The following IQCE variants were observed in gnomAD, a reference collection of about 807,000 sequenced individuals.
IQCE encodes the protein IQ domain-containing protein E.
In IQCE, 115 loss-of-function variants were observed where a neutral mutation model predicts 96.0. The observed-to-expected ratio is 1.20, with a 90% CI of 1.03 to 1.40. The LOEUF (loss-of-function observed/expected upper bound fraction) is 1.40, where lower values mean the gene tolerates loss of function less well. Among genes scored for constraint, IQCE ranks in the 40% most tolerant of loss-of-function variants. The pLI, the probability that IQCE is intolerant of heterozygous loss-of-function variation, is 0.00. For missense variants in IQCE, 1,041 were observed against 909.1 expected (o/e 1.15, Z -1.87); for synonymous variants, 412 against 371.2 (o/e 1.11, Z -1.26).
intron 3 of IQCE, among the ~76,000 whole-genome samples, chr7:2,570,340 G>T (rs953944025): frequency 6.6e-6 from 1 of 151,790 alleles, no homozygotes; most frequent in African/African-American, 2.4e-5. Flanking sequence ...CCTACTCGCC[G>T]ATAAGCCCAC....
intron 1 of IQCE, among the ~76,000 whole-genome samples, chr7:2,562,599 T>G (rs989377746): frequency 6.6e-6 from 1 of 151,854 alleles, no homozygotes; most frequent in Admixed American, 6.6e-5. Flanking sequence ...CCCCCTTTTT[T>G]TTTTTTTCCC....
intron 6 of IQCE, among the ~76,000 whole-genome samples, chr7:2,574,618 G>A (rs1481337077): frequency 6.6e-6 from 1 of 152,204 alleles, no homozygotes; most frequent in Non-Finnish European, 1.5e-5. Flanking sequence ...GGATTGGGGG[G>A]ATTATCTCGT....
chr7:2,612,595 T>A lies in IQCE; in HGVS notation c.*2433T>A. On this transcript the variant is annotated 3_prime_UTR_variant, in exon 22 of 22. Coordinates refer to ENST00000402050, the MANE Select transcript of IQCE (RefSeq NM_152558.5). ...GGTGAGCTGTGGGCGGGGCGAGCTG[T>A]GGGTGGGGCCTAGCCATGGGAGAGG... The A allele has an allele frequency of 1.5e-5, 1 of 65,656 alleles. No homozygotes were observed. Among genetic ancestry groups the A allele is most frequent in the South Asian group, 4.8e-4 (1 of 2,090 alleles). 4.1% of individuals were successfully genotyped at this position (65,656 alleles called of 1,614,324 possible). A position where few individuals can be genotyped will look rare whatever the true frequency, so the allele number is the denominator to read the frequency against.
At chr7:2,576,281 A>C (rs1378206720) in intron 6 of IQCE, among the ~76,000 whole-genome samples, 1 of 152,162 alleles carries the variant, frequency 6.6e-6, no homozygotes, top group Non-Finnish European at 1.5e-5. Context: ...GAGCTGCGGC[A>C]CAGCCCAGCC....
Position 2,559,073 on chromosome 7 carries a change from G to A in IQCE, c.-109G>A. 2 of 572,448 alleles carry A rather than the reference G, an allele frequency of 3.5e-6. No homozygotes were observed. The highest frequency in any genetic ancestry group is 5.0e-6 in the Non-Finnish European group (2 of 401,876). The allele number at this position is 572,448 out of a possible 1,614,324, so 35.5% of individuals were successfully genotyped here. On this transcript the variant is annotated 5_prime_UTR_variant, in exon 1 of 22. Coordinates refer to ENST00000402050, the MANE Select transcript of IQCE (RefSeq NM_152558.5). ...TGCCATGGCAGCGGGGTCGCGGGCCGGCGCCAGGGAAGGCCCCGAGGCTGC... is the reference window on the plus strand; with the variant it reads ...TGCCATGGCAGCGGGGTCGCGGGCCAGCGCCAGGGAAGGCCCCGAGGCTGC...
chr7:2,561,169 G>A (rs1240847365), intron 1 of IQCE, among the ~76,000 whole-genome samples: 1 of 150,298 alleles, frequency 6.7e-6, no homozygotes, highest in African/African-American at 2.5e-5. Context: ...TGTTGGCCAG[G>A]CTGGTCTCTA....
chr7:2,575,913 C>T (rs962857743), intron 6 of IQCE, among the ~76,000 whole-genome samples: 10 of 152,166 alleles, frequency 6.6e-5, no homozygotes, highest in Non-Finnish European at 1.2e-4. Flanking sequence ...ACACATGGAG[C>T]GCAGGTGTTG....
At chr7:2,598,874 C>G (rs537236226) in intron 17 of IQCE, 1 of 385,758 alleles carries the variant, frequency 2.6e-6, no homozygotes. Flanking sequence ...CAGAACTATT[C>G]GAAAGTAAGT....
chr7:2,575,950 G>A (rs1782092534), intron 6 of IQCE, among the ~76,000 whole-genome samples: 1 of 152,202 alleles, frequency 6.6e-6, no homozygotes, highest in Non-Finnish European at 1.5e-5. Flanking sequence ...GGAATTGGGA[G>A]GAGTGAATCT....
At chr7:2,579,563 A>G (rs1245808806) in intron 8 of IQCE, among the ~76,000 whole-genome samples, 1 of 152,240 alleles carries the variant, frequency 6.6e-6, no homozygotes, top group East Asian at 1.9e-4. Context: ...GAAAGATTGT[A>G]TAATCATTAC....
At chr7:2,595,243 G>A (rs971037331) in intron 16 of IQCE, among the ~76,000 whole-genome samples, 39 of 152,228 alleles carry the variant, frequency 2.6e-4, no homozygotes, top group Admixed American at 7.9e-4. Context: ...TTGGTCATGC[G>A]GAGGGTGTAG....
rs566634599 is a variant in IQCE, at chr7:2,573,355, A to G, written c.395-63A>G. 6 of 815,772 alleles carry G rather than the reference A, an allele frequency of 7.4e-6. No individual in the cohort carries two copies. In the East Asian group the frequency reaches 1.5e-4, roughly 20 times the overall value. 50.5% of individuals were successfully genotyped at this position (815,772 alleles called of 1,614,324 possible). ...CTAACTTCCAGGTTTTCCTTAAAGT[A>G]TAGCCAAGAATTCTTTCTACTTTGT... On this transcript the variant is annotated intron_variant, in intron 5 of 21. Transcript: ENST00000402050.
intron 12 of IQCE, among the ~76,000 whole-genome samples, chr7:2,586,847 T>C (rs940119087): frequency 1.3e-5 from 2 of 150,908 alleles, no homozygotes; most frequent in African/African-American, 4.9e-5. Flanking sequence ...ACACGTGGAG[T>C]GTGGCCCCTG....
At chr7:2,609,163 G>C (rs1785001613) in intron 21 of IQCE, among the ~76,000 whole-genome samples, 2 of 152,078 alleles carry the variant, frequency 1.3e-5, no homozygotes, top group South Asian at 4.2e-4. Context: ...TCCCATTCTA[G>C]AATGGATTAA....
At chr7:2,606,531 C>T (rs1268248843) in intron 20 of IQCE, among the ~76,000 whole-genome samples, 1 of 152,084 alleles carries the variant, frequency 6.6e-6, no homozygotes, top group African/African-American at 2.4e-5. Context: ...AAGAGACGGC[C>T]CCGCTCCGTC....
intron 18 of IQCE, among the ~76,000 whole-genome samples, chr7:2,603,775 T>C (rs1366955488): frequency 6.6e-6 from 1 of 151,994 alleles, no homozygotes. Context: ...CACCCTAGCT[T>C]TAAGACAAAA....
chr7:2,580,709 A>AATGTTAGAATAAAAAAAAAGT (rs1782598961), intron 8 of IQCE, among the ~76,000 whole-genome samples: 1 of 151,822 alleles, frequency 6.6e-6, no homozygotes. Flanking sequence ...CACCAGGAGG[A>AATGTTAGAATAAAAAAAAAGT]TTTGTTGAAT....
chr7:2,582,772 G>A, intron 9 of IQCE, 122 bp downstream of exon 9: 1 of 747,224 alleles, frequency 1.3e-6, no homozygotes, highest in Non-Finnish European at 2.3e-6. Context: ...AGCCGAAGGT[G>A]AATGTTAGCT....
intron 14 of IQCE, among the ~76,000 whole-genome samples, chr7:2,590,700 G>A (rs1182945579): frequency 6.6e-6 from 1 of 152,090 alleles, no homozygotes. Flanking sequence ...AAGAGTTCGA[G>A]GCTGCAGTGA....
Sources: allele counts gnomAD v4.1 joint callset (sites outside exome capture counted in the v4.1 genomes callset), GRCh38; gene constraint gnomAD v4.1.1; transcripts MANE v1.5; gene names NCBI Gene and HGNC (gene_info 2026-07-23, HGNC 2026-07-21).